GARIN5B: variants seen among roughly 807,000 people sequenced by gnomAD.
The protein encoded by GARIN5B is golgi associated RAB2 interactor family member 5B.
At chr19:55,355,859 G>A in the GARIN5B span, among the ~76,000 whole-genome samples, 1 of 151,764 alleles carries the variant, frequency 6.6e-6, no homozygotes, top group African/African-American at 2.4e-5. Flanking sequence ...GTTGGTGCGT[G>A]CCTGTGGTTC....
At chr19:55,359,194 C>T in the GARIN5B span, 2 of 1,551,406 alleles carry the variant, frequency 1.3e-6, no homozygotes, top group African/African-American at 1.4e-5. Flanking sequence ...CAGGGAGCTT[C>T]CCCCGTGAGG....
chr19:55,355,417 A>C, the GARIN5B span: 6 of 1,483,948 alleles, frequency 4.0e-6, no homozygotes, highest in South Asian at 7.3e-5. Context: ...CAGGGCTTTA[A>C]GAGCTGCAGA....
the GARIN5B span, chr19:55,358,051 CAAAAAA>C: frequency 7.2e-6 from 8 of 1,118,114 alleles, no homozygotes; most frequent in South Asian, 8.7e-5. Context: ...GAGACCCTGT[CAAAAAA>C]AAAAAAAAAA....
chr19:55,355,264 C>T, the GARIN5B span: 7 of 1,529,542 alleles, frequency 4.6e-6, no homozygotes, highest in Middle Eastern at 2.0e-4. Context: ...GGGTACCTGG[C>T]AGCGCTGGGC....
the GARIN5B span, chr19:55,361,273 C>A: frequency 1.9e-6 from 3 of 1,549,322 alleles, no homozygotes; most frequent in Non-Finnish European, 2.6e-6. Context: ...GTCAGGGACC[C>A]CAGGGGAGGG....
chr19:55,361,025 C>T, the GARIN5B span: 521 of 1,551,012 alleles, frequency 3.4e-4, 5 homozygotes, highest in Non-Finnish European at 4.7e-5. Flanking sequence ...TTCTTCCTGA[C>T]GTCAGCATGC....
the GARIN5B span, among the ~76,000 whole-genome samples, chr19:55,357,698 G>A: frequency 2.0e-4 from 31 of 152,306 alleles, 1 homozygote; most frequent in Admixed American, 1.7e-3. Context: ...CCCCATGGTC[G>A]GACACTGTAT....
At chr19:55,362,152 T>C in the GARIN5B span, 4 of 1,426,880 alleles carry the variant, frequency 2.8e-6, no homozygotes, top group Non-Finnish European at 3.7e-6. Flanking sequence ...GCCCCCGGCC[T>C]AGACTTTGGG....
the GARIN5B span, chr19:55,361,306 T>C: frequency 1.3e-6 from 2 of 1,542,144 alleles, no homozygotes; most frequent in Non-Finnish European, 1.8e-6. Context: ...CCCCAGGAGC[T>C]TGTGGAGGGC....
At chr19:55,360,792 C>A in the GARIN5B span, 1 of 1,551,450 alleles carries the variant, frequency 6.4e-7, no homozygotes, top group African/African-American at 1.4e-5. Context: ...GCCGTCTGAG[C>A]CCTTTGGGGC....
the GARIN5B span, chr19:55,355,036 C>T: frequency 7.3e-6 from 2 of 275,776 alleles, no homozygotes; most frequent in African/African-American, 2.4e-5. Flanking sequence ...GGGGCAAATC[C>T]CCCCAAGCGG....
At chr19:55,362,158 T>C in the GARIN5B span, 1 of 1,425,638 alleles carries the variant, frequency 7.0e-7, no homozygotes, top group Non-Finnish European at 9.2e-7. Context: ...GGCCTAGACT[T>C]TGGGCTCTTG....
chr19:55,359,941 T>TC, the GARIN5B span: 1 of 1,550,568 alleles, frequency 6.4e-7, no homozygotes, highest in Non-Finnish European at 8.7e-7. Flanking sequence ...CAACCACATG[T>TC]CCCTGGCCTG....
the GARIN5B span, chr19:55,361,219 G>C: frequency 6.4e-7 from 1 of 1,551,216 alleles, no homozygotes; most frequent in Non-Finnish European, 8.7e-7. Flanking sequence ...TATGCGGAAA[G>C]TTGCGCTCAG....
At chr19:55,360,293 C>G in the GARIN5B span, among the ~76,000 whole-genome samples, 1 of 78,854 alleles carries the variant, frequency 1.3e-5, no homozygotes, top group African/African-American at 5.2e-5. Flanking sequence ...CCCTCAGACT[C>G]AGGAGTCCAG....
At chr19:55,361,194 G>A in the GARIN5B span, 36 of 1,551,342 alleles carry the variant, frequency 2.3e-5, no homozygotes, top group South Asian at 3.9e-4. Context: ...CTCTGTCTCT[G>A]AGCAGCCACC....
chr19:55,358,983 T>C, the GARIN5B span: 1,344,174 of 1,551,402 alleles, frequency 0.87, 582,709 homozygotes, highest in East Asian at 0.91. Context: ...GTCACCTCCT[T>C]GGTTTGGCTA....
At chr19:55,358,650 AG>A in the GARIN5B span, 12 of 1,551,058 alleles carry the variant, frequency 7.7e-6, no homozygotes, top group Non-Finnish European at 1.0e-5. Flanking sequence ...CCGGGGCGGG[AG>A]GGCACTGAAG....
chr19:55,357,671 C>T, the GARIN5B span, among the ~76,000 whole-genome samples: 17 of 152,244 alleles, frequency 1.1e-4, no homozygotes, highest in Admixed American at 2.0e-4. Flanking sequence ...GCCAGGAGCA[C>T]ATCCCACCAC....
Sources: allele counts gnomAD v4.1 joint callset (sites outside exome capture counted in the v4.1 genomes callset), GRCh38; gene constraint gnomAD v4.1.1; transcripts MANE v1.5; gene names NCBI Gene and HGNC (gene_info 2026-07-23, HGNC 2026-07-21).